ALPI: variants seen among roughly 807,000 people sequenced by gnomAD.
ALPI encodes the protein intestinal-type alkaline phosphatase.
Under a neutral mutation model 51.5 loss-of-function variants are expected in ALPI, and 50 were observed. That is an observed-to-expected ratio of 0.97 (90% CI 0.77 to 1.23). The LOEUF (loss-of-function observed/expected upper bound fraction) is 1.23. Ranked by LOEUF, ALPI falls within the 50% of genes most tolerant of loss-of-function variation. The pLI, the probability that ALPI is intolerant of heterozygous loss-of-function variation, is 0.00. For synonymous variants in ALPI, 322 were observed against 308.2 expected (o/e 1.04, Z -0.47); for missense variants, 692 against 722.4 (o/e 0.96, Z 0.48).
Position 232,457,134 on chromosome 2 carries a change from C to G in ALPI, c.476-16C>G. On this transcript the variant is annotated splice_polypyrimidine_tract_variant and intron_variant, in intron 4 of 10. Transcript: ENST00000295463. The surrounding 1 kb of genome is among the most constrained non-coding windows in gnomAD (Gnocchi z 4.7). ...CCAAGATCTCGGTCACCGATCCTGA[C>G]CTCTGTCACCCTCAGGAAAGTCAGT... 6.2e-7 allele frequency: 1 copy of G among 1,613,490 alleles called. No homozygotes were observed. The highest frequency in any genetic ancestry group is 1.1e-5 in the South Asian group (1 of 91,076).
At position 232,456,503 on chromosome 2, in the gene ALPI, C is replaced by G. The variant is rs1295647462; in HGVS notation, c.184+38C>G. On this transcript the variant is annotated intron_variant, in intron 2 of 10. Coordinates refer to ENST00000295463, the MANE Select transcript of ALPI (RefSeq NM_001631.5). The surrounding 1 kb of genome is among the most constrained non-coding windows in gnomAD (Gnocchi z 4.2). ...GGCCTGTCCAGCCCCGTAGTCCTCA[C>G]AGCCCCGGCACCCGGGACCTTCAGT... 6.2e-7 allele frequency: 1 copy of G among 1,612,572 alleles called. No individual in the cohort carries two copies. Among genetic ancestry groups the G allele is most frequent in the East Asian group, 2.2e-5 (1 of 44,852 alleles).
chr2:232,457,559 C>T lies in ALPI; in HGVS notation c.649-6C>T, dbSNP rs560896386. On this transcript the variant is annotated splice_region_variant and splice_polypyrimidine_tract_variant and intron_variant, in intron 5 of 10. Coordinates refer to ENST00000295463, the MANE Select transcript of ALPI (RefSeq NM_001631.5). The surrounding 1 kb of genome is among the most constrained non-coding windows in gnomAD (Gnocchi z 4.7). ...CCAAACCACCTGCCCCATCCATTGTCCTCAGGTGATCCTTGGCGGAGGCCG... is the reference window on the plus strand; with the variant it reads ...CCAAACCACCTGCCCCATCCATTGTTCTCAGGTGATCCTTGGCGGAGGCCG... 5.6e-6 allele frequency: 9 copies of T among 1,604,900 alleles called. No homozygotes were observed. In the African/African-American group the frequency reaches 9.3e-5, roughly 17 times the overall value.
chr2:232,456,576 T>C lies in ALPI; in HGVS notation c.185-4T>C. 6.2e-7 allele frequency: 1 copy of C among 1,611,886 alleles called. No individual in the cohort carries two copies. The highest frequency in any genetic ancestry group is 2.2e-5 in the East Asian group (1 of 44,844). On this transcript the variant is annotated splice_region_variant and splice_polypyrimidine_tract_variant and intron_variant, in intron 2 of 10. Transcript: ENST00000295463. The surrounding 1 kb of genome is among the most constrained non-coding windows in gnomAD (Gnocchi z 4.2). ...CCAGGACTCACACATTTCTGCTCCT[T>C]CAGGGTTGGGGGTGCCCACGGTGAC...
intron 8 of ALPI, 39 bp downstream of exon 8, chr2:232,458,171 G>T (rs780630467): frequency 1.2e-6 from 2 of 1,613,458 alleles, no homozygotes; most frequent in Non-Finnish European, 1.7e-6. Context: ...AAGGCGGGGC[G>T]CGGCAGGGCA....
rs1187241990 is a variant in ALPI at position 232,459,677 on chromosome 2, C to T, written c.*531C>T. Reference sequence around the variant, plus strand: ...AGCTTCCGGCAACCCTGCAACCCACCCAAGGAGGCTACTGGATCGGGGATT... The same window carrying T: ...AGCTTCCGGCAACCCTGCAACCCACTCAAGGAGGCTACTGGATCGGGGATT... On this transcript the variant is annotated 3_prime_UTR_variant, in exon 11 of 11. Transcript: ENST00000295463. 6.3e-6 allele frequency: 1 copy of T among 157,884 alleles called. No individual in the cohort carries two copies. The highest frequency in any genetic ancestry group is 2.4e-5 in the African/African-American group (1 of 41,490). The allele number at this position is 157,884 out of a possible 1,614,324, so 9.8% of individuals were successfully genotyped here. A position where few individuals can be genotyped will look rare whatever the true frequency, so the allele number is the denominator to read the frequency against.
rs750324085 is a variant in ALPI, at chr2:232,459,696, G to A, written c.*550G>A. On this transcript the variant is annotated 3_prime_UTR_variant, in exon 11 of 11. Transcript: ENST00000295463. ...ACCCACCCAAGGAGGCTACTGGATC[G>A]GGGATTCCCAGGGGGGCTTTGACAC... The A allele has an allele frequency of 2.0e-4, 32 of 157,308 alleles. No individual in the cohort carries two copies. Among genetic ancestry groups the A allele is most frequent in the Non-Finnish European group, 3.5e-4 (25 of 71,522 alleles). The allele number at this position is 157,308 out of a possible 1,614,324, so 9.7% of individuals were successfully genotyped here.
chr2:232,456,718 G>A lies in ALPI; in HGVS notation c.300+23G>A. The A allele has an allele frequency of 6.3e-7, 1 of 1,578,672 alleles. No individual in the cohort carries two copies. Among genetic ancestry groups the A allele is most frequent in the Non-Finnish European group, 8.6e-7 (1 of 1,161,912 alleles). ...AAGGTAAGGGCTGGGCCACCTCAGA[G>A]TCCTCCAAGCAGAGGAGAGGGATCA... is the stretch of plus-strand genomic sequence containing the variant. On this transcript the variant is annotated intron_variant, in intron 3 of 10. Transcript: ENST00000295463. The surrounding 1 kb of genome is among the most constrained non-coding windows in gnomAD (Gnocchi z 4.2).
chr2:232,457,775 GC>G lies in ALPI; in HGVS notation c.784-18del, dbSNP rs1690224689. On this transcript the variant is annotated intron_variant, in intron 6 of 10. Transcript: ENST00000295463. This position sits in a 1 kb window ranked among gnomAD's most constrained non-coding sequence, Gnocchi z 4.7. ...GTGGGTCTCAGGGCTGTGGGCTGAA[GC>G]CTGGCTCTGTCCCTGCAGGGTGCCT... The G allele has an allele frequency of 5.6e-6, 9 of 1,613,690 alleles. 1 individual carries two copies. The East Asian group carries it at 2.0e-4, about 36-fold the overall frequency.
At position 232,459,295 on chromosome 2, in the gene ALPI, G is replaced by C; in HGVS notation, c.*149G>C. On this transcript the variant is annotated 3_prime_UTR_variant, in exon 11 of 11. Transcript: ENST00000295463. ...ATAAACCAGCCTCAGCTGGCGCAGC[G>C]GGGCCCTTCTTCCCTCCGCATCCCC... 2 of 1,147,632 alleles carry C rather than the reference G, an allele frequency of 1.7e-6. No individual in the cohort carries two copies. Among genetic ancestry groups the C allele is most frequent in the East Asian group, 5.2e-5 (2 of 38,388 alleles). 71.1% of individuals were successfully genotyped at this position (1,147,632 alleles called of 1,614,324 possible).
In ALPI at chr2:232,456,544, C is replaced by G; in HGVS notation, c.185-36C>G. ...GACCTTCAGTGGTTCCAGGACAACC[C>G]TGGGGCCCAGGACTCACACATTTCT... On this transcript the variant is annotated intron_variant, in intron 2 of 10. Coordinates refer to ENST00000295463, the MANE Select transcript of ALPI (RefSeq NM_001631.5). The surrounding 1 kb of genome is among the most constrained non-coding windows in gnomAD (Gnocchi z 4.2). 6.2e-7 allele frequency: 1 copy of G among 1,610,580 alleles called. No individual in the cohort carries two copies. Among genetic ancestry groups the G allele is most frequent in the Non-Finnish European group, 8.5e-7 (1 of 1,178,296 alleles).
At position 232,457,330 on chromosome 2, in the gene ALPI, C is replaced by A. The variant is rs1690215564; in HGVS notation, c.648+8C>A. On this transcript the variant is annotated splice_region_variant and intron_variant, in intron 5 of 10. Transcript: ENST00000295463. This position sits in a 1 kb window ranked among gnomAD's most constrained non-coding sequence, Gnocchi z 4.7. Reference sequence around the variant, plus strand: ...TCCAACATGGACATTGACGTGCGACCCCCGGGCCAAGGGCTGGGGCTGGGC... The same window carrying A: ...TCCAACATGGACATTGACGTGCGACACCCGGGCCAAGGGCTGGGGCTGGGC... 1 of 1,596,208 alleles carries A rather than the reference C, an allele frequency of 6.3e-7. No individual in the cohort carries two copies. Among genetic ancestry groups the A allele is most frequent in the Non-Finnish European group, 8.5e-7 (1 of 1,170,854 alleles).
rs757362360 is a variant in ALPI at position 232,457,966 on chromosome 2, T to C, written c.857-32T>C. The C allele has an allele frequency of 5.0e-6, 8 of 1,612,878 alleles. No homozygotes were observed. The East Asian group carries it at 1.8e-4, about 36-fold the overall frequency. On this transcript the variant is annotated intron_variant, in intron 7 of 10. Coordinates refer to ENST00000295463, the MANE Select transcript of ALPI (RefSeq NM_001631.5). The surrounding 1 kb of genome is among the most constrained non-coding windows in gnomAD (Gnocchi z 4.7). ...TGCCAGCACCCTCCCGCTCACAGCCTGCCAATCACCACCAAGCTCCTTGTC... is the reference window on the plus strand; with the variant it reads ...TGCCAGCACCCTCCCGCTCACAGCCCGCCAATCACCACCAAGCTCCTTGTC...
Position 232,456,490 on chromosome 2 carries a change from C to T in ALPI, c.184+25C>T. 6.2e-7 allele frequency: 1 copy of T among 1,613,386 alleles called. No homozygotes were observed. The highest frequency in any genetic ancestry group is 1.3e-5 in the African/African-American group (1 of 74,988). ...GGTGAGTGAGCAAGGCCTGTCCAGC[C>T]CCGTAGTCCTCACAGCCCCGGCACC... On this transcript the variant is annotated intron_variant, in intron 2 of 10. Transcript: ENST00000295463. The surrounding 1 kb of genome is among the most constrained non-coding windows in gnomAD (Gnocchi z 4.2).
rs1429711507 is a variant in ALPI at position 232,457,539 on chromosome 2, C to G, written c.649-26C>G. 2 of 1,584,354 alleles carry G rather than the reference C, an allele frequency of 1.3e-6. No individual in the cohort carries two copies. The highest frequency in any genetic ancestry group is 2.3e-5 in the South Asian group (2 of 85,674). Reference sequence around the variant, plus strand: ...GCACGGGGCCAGCCAGGCCCCCAAACCACCTGCCCCATCCATTGTCCTCAG... The same window carrying G: ...GCACGGGGCCAGCCAGGCCCCCAAAGCACCTGCCCCATCCATTGTCCTCAG... On this transcript the variant is annotated intron_variant, in intron 5 of 10. Transcript: ENST00000295463. This position sits in a 1 kb window ranked among gnomAD's most constrained non-coding sequence, Gnocchi z 4.7.
At position 232,456,339 on chromosome 2, in the gene ALPI, C is replaced by A. The variant is rs779654521; in HGVS notation, c.68-10C>A. The A allele has an allele frequency of 8.7e-6, 14 of 1,614,008 alleles. No individual in the cohort carries two copies. In the South Asian group the frequency reaches 1.4e-4, roughly 16 times the overall value. On this transcript the variant is annotated splice_polypyrimidine_tract_variant and intron_variant, in intron 1 of 10. Transcript: ENST00000295463. This position sits in a 1 kb window ranked among gnomAD's most constrained non-coding sequence, Gnocchi z 4.2. Reference sequence around the variant, plus strand: ...CAGGCTGACCTGATCTCTACTCTCCCCCTGGCCAGCTGAGGAGGAGAACCC... The same window carrying A: ...CAGGCTGACCTGATCTCTACTCTCCACCTGGCCAGCTGAGGAGGAGAACCC...
Position 232,456,364 on chromosome 2 carries a change from C to T in ALPI, c.83C>T (p.Pro28Leu), listed in dbSNP as rs201573533. Residue 28 changes from proline to leucine, a missense_variant, in exon 2 of 11, where the codon CCG (proline) becomes CTG (leucine). Transcript: ENST00000295463. The surrounding 1 kb of genome is among the most constrained non-coding windows in gnomAD (Gnocchi z 4.2). ...CCCTGGCCAGCTGAGGAGGAGAACC[C>T]GGCCTTCTGGAACCGCCAGGCAGCT... is the stretch of plus-strand genomic sequence containing the variant. The part of the protein sequence containing the change: ...LGVIPAEEEN[P>L]AFWNRQAAEA... 6.6e-5 allele frequency: 107 copies of T among 1,614,070 alleles called. No individual in the cohort carries two copies. In the East Asian group the frequency reaches 1.4e-3, roughly 21 times the overall value.
In ALPI at chr2:232,456,452, C is replaced by T; in HGVS notation, c.171C>T (p.Leu57=). The T allele has an allele frequency of 6.2e-7, 1 of 1,614,104 alleles. No homozygotes were observed. ...AGAAGGTCGCCAAGAACCTCATCCT[C>T]TTCCTGGGCGATGGTGAGTGAGCAA... is the stretch of plus-strand genomic sequence containing the variant. ...PIQKVAKNLI[L]FLGDGLGVPT... is the part of the protein sequence containing the mutation. The change falls in exon 2 of 11, where the codon CTC becomes CTT. Residue 57 remains leucine (L), a synonymous_variant. Transcript: ENST00000295463. This position sits in a 1 kb window ranked among gnomAD's most constrained non-coding sequence, Gnocchi z 4.2.
At chr2:232,458,774 AG>A (rs1218886103) in intron 10 of ALPI, 26 bp downstream of exon 10, 1 of 1,612,932 alleles carries the variant, frequency 6.2e-7, no homozygotes, top group Non-Finnish European at 8.5e-7. Context: ...TGGCCCGTGC[AG>A]GGGGACCAGG....
Position 232,457,134 on chromosome 2 carries a change from C to T in ALPI, c.476-16C>T, listed in dbSNP as rs769758907. On this transcript the variant is annotated splice_polypyrimidine_tract_variant and intron_variant, in intron 4 of 10. Transcript: ENST00000295463. This position sits in a 1 kb window ranked among gnomAD's most constrained non-coding sequence, Gnocchi z 4.7. ...CCAAGATCTCGGTCACCGATCCTGACCTCTGTCACCCTCAGGAAAGTCAGT... is the reference window on the plus strand; with the variant it reads ...CCAAGATCTCGGTCACCGATCCTGATCTCTGTCACCCTCAGGAAAGTCAGT... The T allele has an allele frequency of 6.2e-7, 1 of 1,613,490 alleles. No homozygotes were observed. Among genetic ancestry groups the T allele is most frequent in the Admixed American group, 1.7e-5 (1 of 60,014 alleles).
Sources: allele counts gnomAD v4.1 joint callset, GRCh38; gene constraint gnomAD v4.1.1; non-coding constraint Gnocchi (gnomAD v3.1); transcripts MANE v1.5; gene names NCBI Gene and HGNC (gene_info 2026-07-23, HGNC 2026-07-21).